TRNAU1AP: variants seen among roughly 807,000 people sequenced by gnomAD.
TRNAU1AP encodes tRNA selenocysteine 1 associated protein 1.
In TRNAU1AP, 33 loss-of-function variants were observed where a neutral mutation model predicts 43.3. That is an observed-to-expected ratio of 0.76 (90% CI 0.58 to 1.02). The LOEUF is 1.02. Among genes scored for constraint, TRNAU1AP ranks in the 50% least tolerant of loss-of-function variants. The probability of loss-of-function intolerance (pLI) is 0.00; values close to 1 mark genes in which losing one functional copy is unlikely to be tolerated. For missense variants in TRNAU1AP, 290 were observed against 362.7 expected, an observed-to-expected ratio of 0.80 and a Z score of 1.63; for synonymous variants, 143 against 129.1, an observed-to-expected ratio of 1.11 and a Z score of -0.73.
chr1:28,554,720 T>G (rs1293217734), intron 2 of TRNAU1AP, among the ~76,000 whole-genome samples: 2 of 151,722 alleles, frequency 1.3e-5, no homozygotes, highest in African/African-American at 2.4e-5. Flanking sequence ...GGCGGGCACT[T>G]GTAGTCTCAG....
intron 2 of TRNAU1AP, among the ~76,000 whole-genome samples, chr1:28,554,863 A>G (rs1482208332): frequency 6.6e-6 from 1 of 150,838 alleles, no homozygotes; most frequent in African/African-American, 2.4e-5. Flanking sequence ...AAAAAGAGTT[A>G]TAATAAATAA....
At position 28,562,390 on chromosome 1, in the gene TRNAU1AP, T is replaced by C. The variant is rs147454205; in HGVS notation, c.278+992T>C. ...TATCCACTGACAAGTCATTGCAGTA[T>C]ACTGACATGTCAAGATATTGGCAAT... is the stretch of plus-strand genomic sequence containing the variant. On this transcript the variant is annotated intron_variant, in intron 4 of 8. Transcript: ENST00000373830. Among the ~76,000 whole-genome samples, 387 of 152,168 alleles carry C rather than the reference T, an allele frequency of 2.5e-3. 1 individual carries two copies. Among genetic ancestry groups the C allele is most frequent in the African/African-American group, 8.8e-3 (365 of 41,512 alleles).
intron 6 of TRNAU1AP, among the ~76,000 whole-genome samples, chr1:28,567,990 C>T (rs1665577499): frequency 6.6e-6 from 1 of 151,996 alleles, no homozygotes; most frequent in South Asian, 2.1e-4. Flanking sequence ...ATGGCAAAAC[C>T]TCATCTCTAC....
Position 28,560,655 on chromosome 1 carries a change from G to A in TRNAU1AP, c.148G>A (p.Val50Ile), listed in dbSNP as rs1323697571. Residue 50 changes from valine (V) to isoleucine (I), a missense_variant, in exon 3 of 9, where the codon GTA (valine) becomes ATA (isoleucine). Coordinates refer to ENST00000373830, the MANE Select transcript of TRNAU1AP (RefSeq NM_017846.5). ...CAGGATCCCAGCTGGCTACTGCTTTGTAGAATTTGCAGATTTGGCCACAGC... is the reference window on the plus strand; with the variant it reads ...CAGGATCCCAGCTGGCTACTGCTTTATAGAATTTGCAGATTTGGCCACAGC... ...LTGIPAGYCF[V>I]EFADLATAEK... 1.2e-6 allele frequency: 2 copies of A among 1,613,838 alleles called. No individual in the cohort carries two copies. The highest frequency in any genetic ancestry group is 1.3e-5 in the African/African-American group (1 of 74,856).
At chr1:28,575,850 G>A (rs1170134050) in intron 8 of TRNAU1AP, among the ~76,000 whole-genome samples, 7 of 133,198 alleles carry the variant, frequency 5.3e-5, no homozygotes, top group South Asian at 2.3e-4. Flanking sequence ...GAGCCACTGC[G>A]CCTGGCTTTT....
intron 2 of TRNAU1AP, among the ~76,000 whole-genome samples, chr1:28,554,739 G>C (rs1053774018): frequency 6.6e-6 from 1 of 151,872 alleles, no homozygotes; most frequent in African/African-American, 2.4e-5. Context: ...AGCTACTTGG[G>C]GGGCTGAGGC....
At chr1:28,566,987 A>G (rs937141415) in intron 5 of TRNAU1AP, among the ~76,000 whole-genome samples, 1 of 152,210 alleles carries the variant, frequency 6.6e-6, no homozygotes. Flanking sequence ...ACTTTCCAGC[A>G]GGGTGTCGGG....
At chr1:28,571,057 T>C (rs1665651801) in intron 6 of TRNAU1AP, 119 bp from the exon 7 acceptor site, 2 of 963,676 alleles carry the variant, frequency 2.1e-6, no homozygotes, top group Admixed American at 4.7e-5. Flanking sequence ...AGAGCAAGAC[T>C]CTGTCTCAAG....
chr1:28,559,288 T>C (rs72663804), intron 2 of TRNAU1AP, among the ~76,000 whole-genome samples: 13,830 of 152,032 alleles, frequency 0.091, 873 homozygotes, highest in Non-Finnish European at 0.13. Context: ...TTTTTCCTCA[T>C]ACTATTTAAC....
chr1:28,569,321 G>A lies in TRNAU1AP; in HGVS notation c.531-1855G>A, dbSNP rs180755823. On this transcript the variant is annotated intron_variant, in intron 6 of 8. Coordinates refer to ENST00000373830, the MANE Select transcript of TRNAU1AP (RefSeq NM_017846.5). Reference sequence around the variant, plus strand: ...GAAGTGGGAGAATTGATTGAGCCTAGGAGTTCAAGGTTACAATGAGCTATG... The same window carrying A: ...GAAGTGGGAGAATTGATTGAGCCTAAGAGTTCAAGGTTACAATGAGCTATG... Among the ~76,000 whole-genome samples the A allele has an allele frequency of 5.3e-3, 814 of 152,212 alleles. 4 individuals carry two copies. Among genetic ancestry groups the A allele is most frequent in the African/African-American group, 0.019 (786 of 41,520 alleles).
chr1:28,572,575 A>G (rs1329344626), intron 8 of TRNAU1AP, among the ~76,000 whole-genome samples: 9 of 151,834 alleles, frequency 5.9e-5, no homozygotes, highest in Admixed American at 4.6e-4. Flanking sequence ...CTGTTTTTCA[A>G]TATATTTTAA....
At chr1:28,553,558 G>T in intron 1 of TRNAU1AP, 82 bp from the exon 2 acceptor site, 1 of 1,359,824 alleles carries the variant, frequency 7.4e-7, no homozygotes. Flanking sequence ...AGCCAGCCCT[G>T]GGCTGAACGG....
At chr1:28,564,522 C>G (rs1665493459) in intron 4 of TRNAU1AP, among the ~76,000 whole-genome samples, 181 bp from the exon 5 acceptor site, 1 of 152,156 alleles carries the variant, frequency 6.6e-6, no homozygotes, top group African/African-American at 2.4e-5. Flanking sequence ...GGGGCAGGGA[C>G]TATTTCCCTA....
At chr1:28,569,736 C>CA (rs1665620546) in intron 6 of TRNAU1AP, among the ~76,000 whole-genome samples, 3 of 146,944 alleles carry the variant, frequency 2.0e-5, no homozygotes, top group Admixed American at 1.4e-4. Flanking sequence ...CCTGTAATCC[C>CA]AGCACTTTGG....
At chr1:28,564,964 T>A in intron 5 of TRNAU1AP, 130 bp downstream of exon 5, 1 of 1,118,310 alleles carries the variant, frequency 8.9e-7, no homozygotes, top group South Asian at 1.3e-5. Flanking sequence ...ACTGCCTGGT[T>A]CAAATCCCAG....
intron 7 of TRNAU1AP, 31 bp downstream of exon 7, chr1:28,571,369 T>G (rs748367055): frequency 5.6e-6 from 9 of 1,611,810 alleles, no homozygotes; most frequent in Non-Finnish European, 7.6e-6. Flanking sequence ...CTGGTCCCCT[T>G]GGGTTGTGTT....
In TRNAU1AP at chr1:28,577,670, G is replaced by A. The variant is rs758574063; in HGVS notation, c.*34G>A. 1 of 1,565,696 alleles carries A rather than the reference G, an allele frequency of 6.4e-7. No individual in the cohort carries two copies. Among genetic ancestry groups the A allele is most frequent in the African/African-American group, 1.4e-5 (1 of 72,856 alleles). ...AAGGACAAGCCAGGTTGCATGATGT[G>A]AGGGAGATGAGAGACTCCTTTTTAA... On this transcript the variant is annotated 3_prime_UTR_variant, in exon 9 of 9. Transcript: ENST00000373830.
intron 1 of TRNAU1AP, 131 bp from the exon 2 acceptor site, chr1:28,553,509 T>C: frequency 1.2e-6 from 1 of 829,862 alleles, no homozygotes; most frequent in Non-Finnish European, 1.9e-6. Context: ...GGCCGCTCAG[T>C]GGAGGCGAAC....
chr1:28,559,311 T>G (rs1487100331), intron 2 of TRNAU1AP, among the ~76,000 whole-genome samples: 2 of 152,066 alleles, frequency 1.3e-5, no homozygotes, highest in Non-Finnish European at 2.9e-5. Flanking sequence ...TTTAAGGAGG[T>G]AAGACTAGTT....
Sources: allele counts gnomAD v4.1 joint callset (sites outside exome capture counted in the v4.1 genomes callset), GRCh38; gene constraint gnomAD v4.1.1; transcripts MANE v1.5; gene names NCBI Gene and HGNC (gene_info 2026-07-23, HGNC 2026-07-21).